NCOR1: variants seen among roughly 807,000 people sequenced by gnomAD.
The protein encoded by NCOR1 is nuclear receptor corepressor 1.
Under a neutral mutation model 288.1 loss-of-function variants are expected in NCOR1, and 63 were observed. The observed-to-expected ratio is 0.22, with a 90% CI of 0.18 to 0.27. NCOR1 has a LOEUF of 0.27. NCOR1 is among the 10% of genes least tolerant of loss of function. The probability of loss-of-function intolerance (pLI) is 1.00; values close to 1 mark genes in which losing one functional copy is unlikely to be tolerated. For missense variants in NCOR1, 2,397 were observed against 3,019.2 expected, an observed-to-expected ratio of 0.79 and a Z score of 4.83; for synonymous variants, 1,007 against 1,065.9, an observed-to-expected ratio of 0.94 and a Z score of 1.08.
chr17:16,054,590 C>G (rs2059701832), intron 40 of NCOR1, among the ~76,000 whole-genome samples: 1 of 151,562 alleles, frequency 6.6e-6, no homozygotes, highest in Non-Finnish European at 1.5e-5. Context: ...TATATGCAGC[C>G]AAGAAGCATA....
chr17:16,212,582 A>G (rs1018536315), intron 1 of NCOR1, among the ~76,000 whole-genome samples: 1 of 152,240 alleles, frequency 6.6e-6, no homozygotes, highest in African/African-American at 2.4e-5. Context: ...CCAGGCATCA[A>G]GAAGAATTTG....
At chr17:16,098,149 G>T (rs1237191713) in intron 21 of NCOR1, among the ~76,000 whole-genome samples, 1 of 152,222 alleles carries the variant, frequency 6.6e-6, no homozygotes, top group Non-Finnish European at 1.5e-5. Flanking sequence ...TTCGAAAGAT[G>T]AAAAGGTCCT....
rs575093117 is a variant in NCOR1 at position 16,114,617 on chromosome 17, C to T, written c.2055+3271G>A. 3.0e-4 allele frequency among the ~76,000 whole-genome samples: 46 copies of T among 152,242 alleles called. 1 individual carries two copies. Among genetic ancestry groups the T allele is most frequent in the African/African-American group, 8.7e-4 (36 of 41,534 alleles). On this transcript the variant is annotated intron_variant, in intron 18 of 45. Transcript: ENST00000268712. Reference sequence around the variant, plus strand: ...TTCCAAGTGGGAGAAACTGGCCAAACGAAAGGGGCTATAGGGTCTATCCAA... The same window carrying T: ...TTCCAAGTGGGAGAAACTGGCCAAATGAAAGGGGCTATAGGGTCTATCCAA...
At chr17:16,123,013 C>T (rs144502278) in intron 15 of NCOR1, among the ~76,000 whole-genome samples, 111 of 152,204 alleles carry the variant, frequency 7.3e-4, no homozygotes, top group Non-Finnish European at 1.2e-3. Context: ...TAAGTTCTAC[C>T]GGGAGGACTC....
intron 42 of NCOR1, among the ~76,000 whole-genome samples, chr17:16,045,315 C>T (rs59078878): frequency 0.015 from 2,227 of 152,194 alleles, 63 homozygotes; most frequent in African/African-American, 0.052. Context: ...TCATTACTTA[C>T]TAGATATGTA....
Position 16,032,312 on chromosome 17 carries a change from G to A in NCOR1, c.7307C>T (p.Ser2436Leu), listed in dbSNP as rs2151753527. The A allele has an allele frequency of 6.2e-7, 1 of 1,612,876 alleles. No individual in the cohort carries two copies. The highest frequency in any genetic ancestry group is 8.5e-7 in the Non-Finnish European group (1 of 1,179,608). Residue 2436 changes from serine (S) to leucine (L), a missense_variant, in exon 46 of 46, where the codon TCG becomes TTG. Physicochemically the swap from Ser to Leu is moderately radical, Grantham distance 145 (BLOSUM62 -2). Transcript: ENST00000268712. Reference protein sequence around the residue: ...PLLSAQYETLSDSDD With the variant: ...PLLSAQYETLLDSDD ...TTGTGCAGTTCAGTCATCACTATCC[G>A]ACAGGGTCTCGTACTGTGCTGAGAG...
chr17:16,034,811 A>T lies in NCOR1; in HGVS notation c.7089T>A (p.His2363Gln). ...VSSVHSEGDY[H>Q]RQTPGWAWED... ...CCCAGGCCCACCCTGGCGTCTGCCT[A>T]TGGTAATCCCCTTCTGAATGTACAG... Residue 2363 changes from histidine to glutamine, a missense_variant, in exon 45 of 46, where the codon CAT becomes CAA. By Grantham distance (24) the His-to-Gln change is conservative (BLOSUM62 0). Coordinates refer to ENST00000268712, the MANE Select transcript of NCOR1 (RefSeq NM_006311.4). The T allele has an allele frequency of 6.2e-7, 1 of 1,614,084 alleles. No individual in the cohort carries two copies. Among genetic ancestry groups the T allele is most frequent in the Non-Finnish European group, 8.5e-7 (1 of 1,180,000 alleles).
Position 16,080,594 on chromosome 17 carries a change from T to C in NCOR1, c.3298+13A>G. On this transcript the variant is annotated intron_variant, in intron 24 of 45. Transcript: ENST00000268712. ...CAAACGTAGATGCATTATGACTGTA[T>C]TAACTCACTGACCTGATTTGGCAGA... 1.2e-6 allele frequency: 2 copies of C among 1,614,142 alleles called. No individual in the cohort carries two copies. The highest frequency in any genetic ancestry group is 1.7e-6 in the Non-Finnish European group (2 of 1,180,006).
chr17:16,193,199 A>G (rs979586365), intron 2 of NCOR1, among the ~76,000 whole-genome samples: 8 of 152,228 alleles, frequency 5.3e-5, no homozygotes, highest in African/African-American at 1.9e-4. Flanking sequence ...TAATATAGAT[A>G]TATGTGTATA....
rs781575973 is a variant in NCOR1, at chr17:16,146,543, T to C, written c.915A>G (p.Gln305=). 2 of 1,581,830 alleles carry C rather than the reference T, an allele frequency of 1.3e-6. No individual in the cohort carries two copies. Among genetic ancestry groups the C allele is most frequent in the Non-Finnish European group, 8.5e-7 (1 of 1,169,596 alleles). The part of the protein sequence containing the change: ...RRNHARKQRE[Q]KICQRYDQLM... Reference sequence around the variant, plus strand: ...GCTGATCATAACGCTGGCAGATTTTTTGTTCCTATTAAATATCCGTAGCAA... The same window carrying C: ...GCTGATCATAACGCTGGCAGATTTTCTGTTCCTATTAAATATCCGTAGCAA... The change falls in exon 10 of 46, where the codon CAA becomes CAG. Residue 305 remains glutamine, a synonymous_variant. Transcript: ENST00000268712.
chr17:16,135,397 A>T lies in NCOR1; in HGVS notation c.1509+1914T>A, dbSNP rs564134695. 1.6e-4 allele frequency among the ~76,000 whole-genome samples: 24 copies of T among 152,186 alleles called. No individual in the cohort carries two copies. The South Asian group carries it at 2.1e-3, about 13-fold the overall frequency. ...TCTTTATGAAGCTTGGCAAGCACCC[A>T]TCCTTTGTCTTACGGTACTGCACCC... On this transcript the variant is annotated intron_variant, in intron 14 of 45. Coordinates refer to ENST00000268712, the MANE Select transcript of NCOR1 (RefSeq NM_006311.4).
chr17:16,181,400 A>G (rs2085455547), intron 3 of NCOR1, among the ~76,000 whole-genome samples: 1 of 152,006 alleles, frequency 6.6e-6, no homozygotes, highest in South Asian at 2.1e-4. Context: ...TAAAAAAAAA[A>G]AAAGCACTCA....
In NCOR1 at chr17:16,127,529, A is replaced by G. The variant is rs114670500; in HGVS notation, c.1510-1323T>C. On this transcript the variant is annotated intron_variant, in intron 14 of 45. Transcript: ENST00000268712. ...TACATATGTGTATATACACACGTGT[A>G]TATATCTGCATGTATATATACACAT... Among the ~76,000 whole-genome samples, 175 of 122,554 alleles carry G rather than the reference A, an allele frequency of 1.4e-3. 15 individuals are homozygous for G. The highest frequency in any genetic ancestry group is 5.9e-3 in the African/African-American group (149 of 25,404). The allele number at this position is 122,554 out of a possible 152,430, so 80.4% of individuals were successfully genotyped here.
At chr17:16,198,714 G>GA (rs2090296596) in intron 1 of NCOR1, 1 of 145,846 alleles carries the variant, frequency 6.9e-6, no homozygotes, top group East Asian at 2.0e-4. Flanking sequence ...CAACAAGAGT[G>GA]AAACTCTGTC....
chr17:16,048,190 G>C (rs1402508238), intron 41 of NCOR1, among the ~76,000 whole-genome samples: 1 of 152,198 alleles, frequency 6.6e-6, no homozygotes, highest in African/African-American at 2.4e-5. Context: ...TAGGCAAACT[G>C]CACGACTATG....
At chr17:16,092,196 A>G (rs2065279883) in intron 21 of NCOR1, 138 bp from the exon 22 acceptor site, 8 of 1,120,914 alleles carry the variant, frequency 7.1e-6, no homozygotes, top group Non-Finnish European at 1.0e-5. Context: ...GTTATCTTCA[A>G]GAATAATGCT....
chr17:16,099,927 T>G (rs1343069297), intron 20 of NCOR1, among the ~76,000 whole-genome samples: 1 of 152,242 alleles, frequency 6.6e-6, no homozygotes, highest in East Asian at 1.9e-4. Flanking sequence ...ATATTATTAT[T>G]CTAGTATCAA....
chr17:16,101,167 C>T lies in NCOR1; in HGVS notation c.2690+83G>A, dbSNP rs1293047636. The T allele has an allele frequency of 3.6e-6, 5 of 1,383,656 alleles. No individual in the cohort carries two copies. In the African/African-American group the frequency reaches 5.8e-5, roughly 16 times the overall value. The allele number at this position is 1,383,656 out of a possible 1,614,324, so 85.7% of individuals were successfully genotyped here. On this transcript the variant is annotated intron_variant, in intron 20 of 45. Transcript: ENST00000268712. ...AACGTGCCAATATTTACATAGGAGA[C>T]ATGTCTGCAGCCAGCACCACCCTGT...
At chr17:16,202,845 C>T (rs969332949) in intron 1 of NCOR1, among the ~76,000 whole-genome samples, 3 of 152,148 alleles carry the variant, frequency 2.0e-5, no homozygotes, top group African/African-American at 4.8e-5. Context: ...TCAGCACCCC[C>T]GAGCTCCATA....
Sources: gnomAD v4.1 joint callset for allele counts (sites outside exome capture counted in the v4.1 genomes callset) on GRCh38, gnomAD v4.1.1 for gene constraint, MANE v1.5 for transcripts, NCBI Gene and HGNC (gene_info 2026-07-23, HGNC 2026-07-21) for gene names.